Variants in DLG2 observed in about 807,000 individuals in gnomAD.
DLG2 encodes the protein discs large MAGUK scaffold protein 2, also known as disks large homolog 2.
In DLG2, 45 loss-of-function variants were observed where a neutral mutation model predicts 132.5. That is an observed-to-expected ratio of 0.34 (90% CI 0.27 to 0.44). The LOEUF is 0.44. Ranked by LOEUF, DLG2 falls within the 20% of genes least tolerant of loss-of-function variation. The probability of loss-of-function intolerance (pLI) is 1.00; values close to 1 mark genes in which losing one functional copy is unlikely to be tolerated. For missense variants in DLG2, 1,045 were observed against 1,196.9 expected (o/e 0.87, Z 1.87); for synonymous variants, 424 against 419.6 (o/e 1.01, Z -0.13).
chr11:84,854,976 G>A (rs1050865580), intron 6 of DLG2, among the ~76,000 whole-genome samples: 2 of 151,968 alleles, frequency 1.3e-5, no homozygotes, highest in Admixed American at 1.3e-4. Flanking sequence ...TATCTACCTA[G>A]CACAATTCAT....
At chr11:85,388,599 C>T (rs1382106942) in intron 3 of DLG2, among the ~76,000 whole-genome samples, 3 of 152,170 alleles carry the variant, frequency 2.0e-5, no homozygotes, top group Non-Finnish European at 4.4e-5. Flanking sequence ...GAACACTTCA[C>T]TCCCCTGCTA....
chr11:83,807,888 CTG>C lies in DLG2; in HGVS notation c.1723-21098_1723-21097del, dbSNP rs144235066. Among the ~76,000 whole-genome samples the C allele has an allele frequency of 7.3e-3, 1,118 of 152,282 alleles. 7 individuals are homozygous for C. Among genetic ancestry groups the C allele is most frequent in the Non-Finnish European group, 0.012 (832 of 68,018 alleles). On this transcript the variant is annotated intron_variant, in intron 17 of 27. Transcript: ENST00000376104. ...AGATACGGTCTGTGTGGTGCACACA[CTG>C]TGTCCTTTCTCCCCTACTTAATCTT... is the stretch of plus-strand genomic sequence containing the variant.
At chr11:83,804,579 G>GACACACACACACAC (rs61221099) in intron 17 of DLG2, among the ~76,000 whole-genome samples, 11,591 of 141,982 alleles carry the variant, frequency 0.082, 773 homozygotes, top group African/African-American at 0.16. Flanking sequence ...CCTAGCAGAA[G>GACACACACACACAC]ACACACACAC....
At chr11:84,519,879 A>G (rs1009536872) in intron 7 of DLG2, among the ~76,000 whole-genome samples, 80 of 152,274 alleles carry the variant, frequency 5.3e-4, no homozygotes, top group African/African-American at 1.7e-4. Flanking sequence ...AGTAATTCAT[A>G]TCATTTCTGA....
chr11:83,809,964 GA>G (rs758779024), intron 17 of DLG2, among the ~76,000 whole-genome samples: 2 of 152,090 alleles, frequency 1.3e-5, no homozygotes, highest in African/African-American at 2.4e-5. Flanking sequence ...GGTAAACCAG[GA>G]AAAAGTATGG....
intron 7 of DLG2, among the ~76,000 whole-genome samples, chr11:84,459,653 A>T (rs1352012309): frequency 6.6e-6 from 1 of 150,674 alleles, no homozygotes; most frequent in Admixed American, 6.6e-5. Context: ...TTGTAGTTTT[A>T]TTCATCTATA....
intron 6 of DLG2, among the ~76,000 whole-genome samples, chr11:84,766,865 C>T (rs1265057441): frequency 6.6e-6 from 1 of 151,962 alleles, no homozygotes; most frequent in Non-Finnish European, 1.5e-5. Flanking sequence ...TAATCATAAA[C>T]AAAGTAGAAA....
chr11:84,968,973 CGT>C (rs2053689610), intron 6 of DLG2, among the ~76,000 whole-genome samples: 2 of 151,688 alleles, frequency 1.3e-5, no homozygotes, highest in African/African-American at 2.4e-5. Flanking sequence ...AAGACTCTAA[CGT>C]GTGTAGAGCA....
At chr11:83,909,247 T>C (rs1343425843) in intron 15 of DLG2, among the ~76,000 whole-genome samples, 1 of 152,220 alleles carries the variant, frequency 6.6e-6, no homozygotes. Context: ...CAGGCCATTT[T>C]CCCTTTTGTG....
At chr11:84,723,322 T>C (rs1314235893) in intron 6 of DLG2, among the ~76,000 whole-genome samples, 2 of 152,194 alleles carry the variant, frequency 1.3e-5, no homozygotes, top group African/African-American at 4.8e-5. Flanking sequence ...TTTTACAGTT[T>C]GTGCTAGTTT....
chr11:84,361,374 T>C (rs1441998211), intron 7 of DLG2, among the ~76,000 whole-genome samples: 5 of 151,908 alleles, frequency 3.3e-5, no homozygotes, highest in Non-Finnish European at 7.4e-5. Flanking sequence ...GAACAAAGGA[T>C]GACAGCAACC....
At chr11:83,512,845 C>T (rs2095106395) in intron 21 of DLG2, among the ~76,000 whole-genome samples, 1 of 152,156 alleles carries the variant, frequency 6.6e-6, no homozygotes. Flanking sequence ...ATCCATGTCC[C>T]TACAAAGGAC....
Position 83,808,518 on chromosome 11 carries a change from A to G in DLG2, c.1723-21726T>C, listed in dbSNP as rs116749553. 6.2e-3 allele frequency among the ~76,000 whole-genome samples: 942 copies of G among 152,204 alleles called. 2 individuals carry two copies. Among genetic ancestry groups the G allele is most frequent in the African/African-American group, 0.021 (884 of 41,540 alleles). ...GGCTGCCTGAAACAGAGGACCTGGA[A>G]CTCTCAAACTCCATTCACTGCACTA... On this transcript the variant is annotated intron_variant, in intron 17 of 27. Coordinates refer to ENST00000376104, the MANE Select transcript of DLG2 (RefSeq NM_001142699.3).
At position 84,725,964 on chromosome 11, in the gene DLG2, C is replaced by T. The variant is rs555310266; in HGVS notation, c.358-191233G>A. Among the ~76,000 whole-genome samples, 11 of 152,114 alleles carry T rather than the reference C, an allele frequency of 7.2e-5. 1 individual carries two copies. The East Asian group carries it at 2.1e-3, about 29-fold the overall frequency. On this transcript the variant is annotated intron_variant, in intron 6 of 27. Coordinates refer to ENST00000376104, the MANE Select transcript of DLG2 (RefSeq NM_001142699.3). ...CCTTTCTTAACAAGTTTTACTGTCT[C>T]AGTGACTCTCCTTAGACCCTTTCTC...
chr11:85,514,309 T>C (rs1327122767), intron 3 of DLG2, among the ~76,000 whole-genome samples: 1 of 151,990 alleles, frequency 6.6e-6, no homozygotes, highest in East Asian at 1.9e-4. Flanking sequence ...AGCTCATTGG[T>C]GGATGTGAAA....
chr11:83,948,635 C>G (rs1226990853), intron 14 of DLG2, among the ~76,000 whole-genome samples: 2 of 149,800 alleles, frequency 1.3e-5, no homozygotes, highest in African/African-American at 4.9e-5. Flanking sequence ...AAAAGCCATA[C>G]TTGAGTTGGT....
At chr11:84,639,836 C>T (rs1469734786) in intron 6 of DLG2, among the ~76,000 whole-genome samples, 2 of 152,134 alleles carry the variant, frequency 1.3e-5, no homozygotes, top group African/African-American at 2.4e-5. Context: ...TCTCAGGCTG[C>T]TCAGCACACC....
intron 21 of DLG2, among the ~76,000 whole-genome samples, chr11:83,503,166 G>A (rs1270269478): frequency 6.6e-6 from 1 of 151,318 alleles, no homozygotes; most frequent in African/African-American, 2.4e-5. Flanking sequence ...TGGAGGGGAG[G>A]ATAGGCAAGC....
intron 14 of DLG2, among the ~76,000 whole-genome samples, chr11:83,947,044 A>G (rs546768962): frequency 2.0e-5 from 3 of 152,366 alleles, no homozygotes; most frequent in African/African-American, 7.2e-5. Context: ...CAGTGAAGCC[A>G]TGGAATTAAT....
Sources: allele counts gnomAD v4.1 joint callset (sites outside exome capture counted in the v4.1 genomes callset), GRCh38; gene constraint gnomAD v4.1.1; transcripts MANE v1.5; gene names NCBI Gene and HGNC (gene_info 2026-07-23, HGNC 2026-07-21).